The following ADAM18 variants were observed in gnomAD, a reference collection of about 807,000 sequenced individuals.
ADAM18 encodes ADAM metallopeptidase domain 18.
ADAM18 carries 117 observed loss-of-function variants against 94.4 expected under a neutral mutation model. The observed-to-expected ratio is 1.24, with a 90% CI of 1.07 to 1.45. The LOEUF (loss-of-function observed/expected upper bound fraction) is 1.45, where lower values mean the gene tolerates loss of function less well. Ranked by LOEUF, ADAM18 falls within the 40% of genes most tolerant of loss-of-function variation. The pLI, the probability that ADAM18 is intolerant of heterozygous loss-of-function variation, is 0.00. For missense variants in ADAM18, 936 were observed against 880.0 expected, an observed-to-expected ratio of 1.06 and a Z score of -0.81; for synonymous variants, 327 against 291.6, an observed-to-expected ratio of 1.12 and a Z score of -1.24.
intron 17 of ADAM18, among the ~76,000 whole-genome samples, chr8:39,693,070 A>G (rs776265919): frequency 2.0e-5 from 3 of 151,594 alleles, no homozygotes; most frequent in Non-Finnish European, 3.0e-5. Context: ...TCATTGAGAG[A>G]CTTCCAATAG....
intron 12 of ADAM18, among the ~76,000 whole-genome samples, chr8:39,663,444 A>G (rs1303051401): frequency 1.3e-5 from 2 of 149,400 alleles, no homozygotes; most frequent in East Asian, 3.9e-4. Context: ...AAAAAAAAGA[A>G]AAAAAATATC....
intron 2 of ADAM18, among the ~76,000 whole-genome samples, chr8:39,592,478 G>C: frequency 6.6e-6 from 1 of 152,060 alleles, no homozygotes; most frequent in East Asian, 1.9e-4. Context: ...ATAAAAGGTG[G>C]TATATATACA....
chr8:39,635,997 T>C (rs964718477), intron 7 of ADAM18, among the ~76,000 whole-genome samples: 1 of 150,744 alleles, frequency 6.6e-6, no homozygotes, highest in Non-Finnish European at 1.5e-5. Context: ...TCTGTAACCA[T>C]TAAGTTTTTT....
intron 16 of ADAM18, among the ~76,000 whole-genome samples, chr8:39,680,737 AG>A (rs1265085493): frequency 1.1e-4 from 17 of 152,230 alleles, no homozygotes; most frequent in African/African-American, 3.9e-4. Flanking sequence ...TAACATAAAA[AG>A]AGAACAAAAA....
chr8:39,624,788 TG>T (rs1819715829), intron 6 of ADAM18, among the ~76,000 whole-genome samples: 1 of 152,166 alleles, frequency 6.6e-6, no homozygotes, highest in Admixed American at 6.5e-5. Flanking sequence ...TTTAAAAGTG[TG>T]TAGCACCTCC....
chr8:39,664,606 AATG>A (rs1247324157), intron 13 of ADAM18, among the ~76,000 whole-genome samples: 8 of 152,170 alleles, frequency 5.3e-5, no homozygotes, highest in African/African-American at 1.7e-4. Context: ...AAGTCAAATA[AATG>A]ATGAATGATT....
At chr8:39,695,419 G>T (rs1443288709) in intron 17 of ADAM18, among the ~76,000 whole-genome samples, 1 of 151,484 alleles carries the variant, frequency 6.6e-6, no homozygotes, top group Non-Finnish European at 1.5e-5. Flanking sequence ...CAGCGATTGG[G>T]ATTTTAAGCA....
chr8:39,701,071 T>C (rs1438951710), intron 17 of ADAM18, among the ~76,000 whole-genome samples: 1 of 109,720 alleles, frequency 9.1e-6, no homozygotes, highest in African/African-American at 3.5e-5. Context: ...TGAGCCGAGA[T>C]CCCGCCACTG....
intron 15 of ADAM18, among the ~76,000 whole-genome samples, chr8:39,678,290 T>C (rs1821350902): frequency 6.6e-6 from 1 of 152,220 alleles, no homozygotes; most frequent in Admixed American, 6.5e-5. Context: ...TCAGTATTGT[T>C]CAAAGCAATA....
chr8:39,654,802 A>G (rs1820641548), intron 12 of ADAM18, among the ~76,000 whole-genome samples: 1 of 152,056 alleles, frequency 6.6e-6, no homozygotes, highest in Non-Finnish European at 1.5e-5. Flanking sequence ...TAACTGATGA[A>G]TGTTTTCTTC....
intron 16 of ADAM18, 24 bp from the exon 17 acceptor site, chr8:39,692,576 A>C: frequency 2.7e-6 from 4 of 1,487,806 alleles, no homozygotes; most frequent in Non-Finnish European, 3.7e-6. Flanking sequence ...GTGAATTGTA[A>C]AATTTTTGTT....
chr8:39,609,166 T>A, intron 4 of ADAM18, 46 bp downstream of exon 4: 12 of 1,208,840 alleles, frequency 9.9e-6, no homozygotes, highest in South Asian at 1.3e-5. Flanking sequence ...GTTATATTAT[T>A]ACCATTAGAA....
chr8:39,625,431 T>C (rs1410587558), intron 6 of ADAM18, among the ~76,000 whole-genome samples: 1 of 152,158 alleles, frequency 6.6e-6, no homozygotes, highest in Non-Finnish European at 1.5e-5. Context: ...GTAGGAGTCT[T>C]CTAGAGGAGC....
chr8:39,686,358 C>A (rs1440697645), intron 16 of ADAM18, among the ~76,000 whole-genome samples: 1 of 152,186 alleles, frequency 6.6e-6, no homozygotes, highest in African/African-American at 2.4e-5. Context: ...GATCAAAGTG[C>A]CAGCAGATTT....
intron 5 of ADAM18, 110 bp from the exon 6 acceptor site, chr8:39,610,419 G>C (rs1203420270): frequency 1.0e-5 from 13 of 1,270,728 alleles, no homozygotes; most frequent in Non-Finnish European, 1.3e-5. Context: ...GGCTTAAAAT[G>C]TGTTCTTTAG....
chr8:39,611,454 A>G (rs1819269787), intron 6 of ADAM18: 1 of 984,962 alleles, frequency 1.0e-6, no homozygotes, highest in South Asian at 4.7e-5. Flanking sequence ...CTATGAAACC[A>G]ACTATCTGTA....
rs1402756961 is a variant in ADAM18 at position 39,704,376 on chromosome 8, C to T, written c.1903-2414C>T. Among the ~76,000 whole-genome samples the T allele has an allele frequency of 2.0e-5, 3 of 152,214 alleles. No individual in the cohort carries two copies. The East Asian group carries it at 5.8e-4, about 29-fold the overall frequency. On this transcript the variant is annotated intron_variant, in intron 17 of 19. Coordinates refer to ENST00000265707, the MANE Select transcript of ADAM18 (RefSeq NM_014237.3). ...TTATCCACCACAATCAGATAGTCTT[C>T]ATCTCCAGGATGCAAGGTTGGTTCA... is the stretch of plus-strand genomic sequence containing the variant.
Position 39,726,257 on chromosome 8 carries a change from T to TACACAC in ADAM18, c.2177+2364_2177+2369dup, listed in dbSNP as rs34664356. On this transcript the variant is annotated intron_variant, in intron 19 of 19. Transcript: ENST00000265707. ...TCTTGCTATTCACTTGTATGAGATC[T>TACACAC]ACACACACACACACACACATTTGTG... Among the ~76,000 whole-genome samples, 546 of 145,580 alleles carry TACACAC rather than the reference T, an allele frequency of 3.8e-3. 7 individuals are homozygous for TACACAC. Among genetic ancestry groups the TACACAC allele is most frequent in the African/African-American group, 0.012 (480 of 39,552 alleles).
chr8:39,592,878 G>A (rs1818617253), intron 2 of ADAM18, among the ~76,000 whole-genome samples: 1 of 152,160 alleles, frequency 6.6e-6, no homozygotes, highest in Non-Finnish European at 1.5e-5. Context: ...AGCTATGAAA[G>A]TCTCTAGCTG....
Sources: allele counts gnomAD v4.1 joint callset (sites outside exome capture counted in the v4.1 genomes callset), GRCh38; gene constraint gnomAD v4.1.1; transcripts MANE v1.5; gene names NCBI Gene and HGNC (gene_info 2026-07-23, HGNC 2026-07-21).